Variants in KIRREL1 observed in about 807,000 individuals in gnomAD.
KIRREL1 encodes the protein kin of IRRE-like protein 1.
Under a neutral mutation model 83.3 loss-of-function variants are expected in KIRREL1, and 25 were observed. The ratio of observed to expected loss-of-function variants is 0.30; its 90% CI spans 0.22 to 0.42. The LOEUF (loss-of-function observed/expected upper bound fraction) is 0.42, where lower values mean the gene tolerates loss of function less well. Ranked by LOEUF, KIRREL1 falls within the 10% of genes least tolerant of loss-of-function variation. KIRREL1 has a pLI of 1.00. For missense variants in KIRREL1, 812 were observed against 1,032.3 expected (o/e 0.79, Z 2.92); for synonymous variants, 388 against 410.4 (o/e 0.95, Z 0.66).
chr1:158,033,466 G>A (rs1023079159), intron 1 of KIRREL1, among the ~76,000 whole-genome samples: 1 of 152,112 alleles, frequency 6.6e-6, no homozygotes, highest in Non-Finnish European at 1.5e-5. Context: ...CTTCCCTTTC[G>A]AGGAGCACCT....
intron 3 of KIRREL1, among the ~76,000 whole-genome samples, chr1:158,082,639 G>T (rs1661897203): frequency 6.6e-6 from 1 of 152,056 alleles, no homozygotes; most frequent in South Asian, 2.1e-4. Context: ...ACCCTCCTCT[G>T]GGTCTTTCTT....
At chr1:158,001,027 G>A (rs1659346305) in intron 1 of KIRREL1, among the ~76,000 whole-genome samples, 1 of 152,216 alleles carries the variant, frequency 6.6e-6, no homozygotes, top group South Asian at 2.1e-4. Flanking sequence ...GAACCCGAGT[G>A]TCTGGAGGTG....
At chr1:158,093,583 A>G (rs1409139888) in intron 12 of KIRREL1, 40 bp from the exon 13 acceptor site, 20 of 1,613,190 alleles carry the variant, frequency 1.2e-5, no homozygotes, top group African/African-American at 4.0e-5. Context: ...TGCAGAGACC[A>G]GCAGGAAGCA....
intron 1 of KIRREL1, among the ~76,000 whole-genome samples, chr1:158,040,728 C>G (rs1012470422): frequency 2.0e-5 from 3 of 152,138 alleles, no homozygotes; most frequent in Non-Finnish European, 2.9e-5. Flanking sequence ...AATATCAACC[C>G]TAGTAATGAA....
At chr1:158,053,954 T>C (rs961863132) in intron 1 of KIRREL1, among the ~76,000 whole-genome samples, 1 of 151,062 alleles carries the variant, frequency 6.6e-6, no homozygotes, top group African/African-American at 2.4e-5. Context: ...GGCTCACACC[T>C]GTAATCCCAG....
chr1:158,087,391 T>TA (rs916452958), intron 5 of KIRREL1, among the ~76,000 whole-genome samples: 2 of 151,840 alleles, frequency 1.3e-5, no homozygotes, highest in Non-Finnish European at 2.9e-5. Context: ...ACCTGGTAGG[T>TA]GTGTAATAAA....
intron 1 of KIRREL1, among the ~76,000 whole-genome samples, chr1:158,000,545 C>T (rs764210526): frequency 1.3e-5 from 2 of 152,200 alleles, no homozygotes; most frequent in African/African-American, 4.8e-5. Flanking sequence ...TCAGACAATG[C>T]GAACCTAATT....
At chr1:158,052,077 T>C (rs1461999748) in intron 1 of KIRREL1, among the ~76,000 whole-genome samples, 2 of 152,198 alleles carry the variant, frequency 1.3e-5, no homozygotes, top group African/African-American at 4.8e-5. Context: ...GCCTTATCAC[T>C]TCTCTTAACT....
chr1:158,058,884 A>G, intron 1 of KIRREL1, among the ~76,000 whole-genome samples: 1 of 152,198 alleles, frequency 6.6e-6, no homozygotes, highest in Non-Finnish European at 1.5e-5. Flanking sequence ...CGGCAAGAAC[A>G]GAACATAATA....
chr1:158,052,153 C>T (rs1252493334), intron 1 of KIRREL1, among the ~76,000 whole-genome samples: 1 of 152,094 alleles, frequency 6.6e-6, no homozygotes, highest in Non-Finnish European at 1.5e-5. Flanking sequence ...CCCAACCTAC[C>T]TCCCTTACCC....
chr1:158,050,458 C>G (rs1235982710), intron 1 of KIRREL1, among the ~76,000 whole-genome samples: 1 of 151,966 alleles, frequency 6.6e-6, no homozygotes, highest in East Asian at 1.9e-4. Flanking sequence ...ATTTTCACTC[C>G]CCCCTTTCCT....
intron 7 of KIRREL1, 24 bp downstream of exon 7, chr1:158,088,178 C>T (rs184507381): frequency 4.3e-5 from 69 of 1,614,022 alleles, no homozygotes; most frequent in Admixed American, 1.5e-4. Context: ...AGGGCAGGGA[C>T]GGGGACAGAG....
At chr1:158,058,074 C>G (rs1167080645) in intron 1 of KIRREL1, among the ~76,000 whole-genome samples, 3 of 152,164 alleles carry the variant, frequency 2.0e-5, no homozygotes, top group Admixed American at 2.0e-4. Flanking sequence ...TGGCTGTGCT[C>G]AGTAATGTCC....
At chr1:158,090,422 T>G (rs1250211404) in intron 10 of KIRREL1, among the ~76,000 whole-genome samples, 2 of 152,182 alleles carry the variant, frequency 1.3e-5, no homozygotes, top group Non-Finnish European at 1.5e-5. Flanking sequence ...CTTCCGTGAC[T>G]ATTAACTGTC....
chr1:158,088,230 C>A, intron 7 of KIRREL1, 76 bp downstream of exon 7: 1 of 1,606,286 alleles, frequency 6.2e-7, no homozygotes, highest in South Asian at 1.1e-5. Flanking sequence ...TCGGGGACTG[C>A]TCCATGAATG....
chr1:158,056,673 A>G (rs1440667486), intron 1 of KIRREL1, among the ~76,000 whole-genome samples: 1 of 152,232 alleles, frequency 6.6e-6, no homozygotes, highest in Admixed American at 6.5e-5. Flanking sequence ...AGCAGGAGGA[A>G]GAAATTCATT....
intron 10 of KIRREL1, among the ~76,000 whole-genome samples, chr1:158,090,671 G>C (rs1291946372): frequency 2.6e-5 from 4 of 152,200 alleles, no homozygotes; most frequent in Admixed American, 2.6e-4. Flanking sequence ...GGATGGAGGG[G>C]TCCAGGAATA....
chr1:158,027,607 C>G (rs1044209552), intron 1 of KIRREL1, among the ~76,000 whole-genome samples: 5 of 152,246 alleles, frequency 3.3e-5, no homozygotes, highest in Non-Finnish European at 7.3e-5. Context: ...CAGAAAGACA[C>G]TTATCGCTTG....
intron 1 of KIRREL1, among the ~76,000 whole-genome samples, chr1:158,040,972 G>A (rs2101578594): frequency 6.6e-6 from 1 of 152,250 alleles, no homozygotes; most frequent in East Asian, 1.9e-4. Flanking sequence ...AGGGGGAGCT[G>A]GGCATGTGTG....
Sources: gnomAD v4.1 joint callset for allele counts (sites outside exome capture counted in the v4.1 genomes callset) on GRCh38, gnomAD v4.1.1 for gene constraint, MANE v1.5 for transcripts, NCBI Gene and HGNC (gene_info 2026-07-23, HGNC 2026-07-21) for gene names.